PLEKHH2: variants seen among roughly 807,000 people sequenced by gnomAD.
PLEKHH2 encodes pleckstrin homology, MyTH4 and FERM domain containing H2.
In PLEKHH2, 129 loss-of-function variants were observed where a neutral mutation model predicts 187.9. That is an observed-to-expected ratio of 0.69 (90% CI 0.59 to 0.79). The LOEUF (loss-of-function observed/expected upper bound fraction) is 0.79, where lower values mean the gene tolerates loss of function less well. PLEKHH2 is among the 30% of genes least tolerant of loss of function. The probability of loss-of-function intolerance (pLI) is 0.00; values close to 1 mark genes in which losing one functional copy is unlikely to be tolerated. For missense variants in PLEKHH2, 2,076 were observed against 1,751.2 expected, an observed-to-expected ratio of 1.19 and a Z score of -3.31; for synonymous variants, 686 against 605.6, an observed-to-expected ratio of 1.13 and a Z score of -1.95.
intron 8 of PLEKHH2, 118 bp downstream of exon 8, chr2:43,700,726 C>T (rs936524708): frequency 7.8e-7 from 1 of 1,282,164 alleles, no homozygotes; most frequent in African/African-American, 1.5e-5. Context: ...GATCTTGGCT[C>T]ACTGCAACCT....
rs1458582348 is a variant in PLEKHH2, at chr2:43,676,285, A to G, written c.124-2578A>G. 3.1e-6 allele frequency: 5 copies of G among 1,612,684 alleles called. No homozygotes were observed. The East Asian group carries it at 1.1e-4, about 36-fold the overall frequency. On this transcript the variant is annotated intron_variant, in intron 2 of 29. Coordinates refer to ENST00000282406, the MANE Select transcript of PLEKHH2 (RefSeq NM_172069.4). Reference sequence around the variant, plus strand: ...AACCCAGGAAATGCTCCCAAGCAACATACCCTTAAAAAATGATGTCCCACT... The same window carrying G: ...AACCCAGGAAATGCTCCCAAGCAACGTACCCTTAAAAAATGATGTCCCACT...
At chr2:43,685,667 T>G (rs185032942) in intron 3 of PLEKHH2, among the ~76,000 whole-genome samples, 1 of 151,700 alleles carries the variant, frequency 6.6e-6, no homozygotes, top group East Asian at 1.9e-4. Flanking sequence ...GTCTCGAACT[T>G]GTCAGCTCAA....
intron 2 of PLEKHH2, among the ~76,000 whole-genome samples, chr2:43,657,728 C>A (rs1477012109): frequency 1.3e-5 from 2 of 152,120 alleles, no homozygotes; most frequent in African/African-American, 4.8e-5. Flanking sequence ...TGTAGTGCAC[C>A]ATGCAGGTCT....
intron 2 of PLEKHH2, among the ~76,000 whole-genome samples, chr2:43,667,399 T>G (rs1021322345): frequency 1.3e-5 from 2 of 152,170 alleles, no homozygotes; most frequent in African/African-American, 4.8e-5. Context: ...AAAAGTTAAA[T>G]ATAGAGTTAT....
chr2:43,652,269 G>A (rs1666514322), intron 2 of PLEKHH2, among the ~76,000 whole-genome samples: 1 of 152,206 alleles, frequency 6.6e-6, no homozygotes, highest in Non-Finnish European at 1.5e-5. Flanking sequence ...AAGGGCCACA[G>A]ATTTTACATT....
In PLEKHH2 at chr2:43,743,995, A is replaced by C; in HGVS notation, c.3555+6A>C. On this transcript the variant is annotated splice_donor_region_variant and intron_variant, in intron 23 of 29. Coordinates refer to ENST00000282406, the MANE Select transcript of PLEKHH2 (RefSeq NM_172069.4). ...GTCTTCAAGGAAACATCAAGGTGAA[A>C]CCAAGTCCTTTTCAGGAGCCAAGCC... is the stretch of plus-strand genomic sequence containing the variant. The C allele has an allele frequency of 6.2e-7, 1 of 1,610,188 alleles. No homozygotes were observed. The highest frequency in any genetic ancestry group is 8.5e-7 in the Non-Finnish European group (1 of 1,177,212).
chr2:43,766,879 T>C lies in PLEKHH2; in HGVS notation c.*1281T>C, dbSNP rs897782784. ...TCCCAAAGTGCTGGGATTGCAGGCATGAGCCACCGTGCCCAGCCTCAAAAA... is the reference window on the plus strand; with the variant it reads ...TCCCAAAGTGCTGGGATTGCAGGCACGAGCCACCGTGCCCAGCCTCAAAAA... On this transcript the variant is annotated 3_prime_UTR_variant, in exon 30 of 30. Transcript: ENST00000282406. The C allele has an allele frequency of 1.3e-5, 2 of 152,422 alleles. No individual in the cohort carries two copies. Among genetic ancestry groups the C allele is most frequent in the African/African-American group, 4.8e-5 (2 of 41,442 alleles). The allele number at this position is 152,422 out of a possible 1,614,324, so 9.4% of individuals were successfully genotyped here. A position where few individuals can be genotyped will look rare whatever the true frequency, so the allele number is the denominator to read the frequency against.
rs1463155066 is a variant in PLEKHH2 at position 43,707,383 on chromosome 2, T to C, written c.1822-18T>C. On this transcript the variant is annotated intron_variant, in intron 10 of 29. Transcript: ENST00000282406. ...ACATTAGGGATGGATACAGGGAGGT[T>C]GTTCCACTTTTCTTTAGAAGGCGAC... The C allele has an allele frequency of 6.2e-7, 1 of 1,613,768 alleles. No individual in the cohort carries two copies.
intron 18 of PLEKHH2, among the ~76,000 whole-genome samples, chr2:43,730,141 T>G (rs1276079468): frequency 1.3e-5 from 2 of 152,214 alleles, no homozygotes; most frequent in Admixed American, 1.3e-4. Flanking sequence ...TTTTGTCACT[T>G]AATTCTTTTA....
chr2:43,675,783 AGTCACGTATTCGAG>A, intron 2 of PLEKHH2: 1 of 1,613,702 alleles, frequency 6.2e-7, no homozygotes, highest in East Asian at 2.2e-5. Flanking sequence ...CTCCTTCCAC[AGTCACGTATTCGAG>A]GTCTCCAAAT....
At chr2:43,681,476 A>G (rs1430582379) in intron 3 of PLEKHH2, 4 of 1,545,686 alleles carry the variant, frequency 2.6e-6, no homozygotes, top group Admixed American at 3.9e-5. Flanking sequence ...CTTTTCCATC[A>G]TCTTCTCTTT....
chr2:43,760,511 C>T (rs1288858905), intron 27 of PLEKHH2, among the ~76,000 whole-genome samples: 2 of 151,968 alleles, frequency 1.3e-5, no homozygotes, highest in Admixed American at 6.6e-5. Flanking sequence ...TACAGGCGCA[C>T]ACCACCACGC....
At chr2:43,651,187 G>C (rs1666452596) in intron 2 of PLEKHH2, among the ~76,000 whole-genome samples, 1 of 151,498 alleles carries the variant, frequency 6.6e-6, no homozygotes. Context: ...ATTTTGTTCA[G>C]CAAACATTGA....
Position 43,699,837 on chromosome 2 carries a change from G to C in PLEKHH2, c.879G>C (p.Gly293=). 1 of 1,612,056 alleles carries C rather than the reference G, an allele frequency of 6.2e-7. No homozygotes were observed. The highest frequency in any genetic ancestry group is 8.5e-7 in the Non-Finnish European group (1 of 1,178,158). Residue 293 remains glycine, a synonymous_variant, in exon 8 of 30, where the codon GGG becomes GGC. Transcript: ENST00000282406. ...ACTGGAGCTCTGATGAGGAAGACGG[G>C]AGCAAAGGAAGATCCAAGTCCAGAT... The part of the protein sequence containing the change: ...VSDWSSDEED[G]SKGRSKSRCT...
chr2:43,651,172 T>C (rs184665733), intron 2 of PLEKHH2, among the ~76,000 whole-genome samples: 2 of 149,478 alleles, frequency 1.3e-5, no homozygotes, highest in South Asian at 2.1e-4. Context: ...TTCATTCATT[T>C]ATTCATTTTG....
chr2:43,726,013 G>A (rs1670723928), intron 16 of PLEKHH2, among the ~76,000 whole-genome samples: 1 of 151,444 alleles, frequency 6.6e-6, no homozygotes. Flanking sequence ...AGCTATTTGG[G>A]AGGCTGAGAT....
chr2:43,695,048 G>A (rs925240821), intron 5 of PLEKHH2, 95 bp from the exon 6 acceptor site: 2 of 622,088 alleles, frequency 3.2e-6, no homozygotes, highest in Non-Finnish European at 4.9e-6. Flanking sequence ...CACATGTAGA[G>A]AAACTAAATA....
chr2:43,707,266 T>G, intron 10 of PLEKHH2, 135 bp from the exon 11 acceptor site: 1 of 792,122 alleles, frequency 1.3e-6, no homozygotes, highest in Admixed American at 2.5e-5. Context: ...CTAAAAAGAG[T>G]GATAACCTTA....
intron 2 of PLEKHH2, among the ~76,000 whole-genome samples, chr2:43,674,075 A>G (rs1433265914): frequency 1.3e-5 from 2 of 152,216 alleles, no homozygotes; most frequent in African/African-American, 2.4e-5. Flanking sequence ...TTGTCATTTC[A>G]TCAATAATTT....
Sources: gnomAD v4.1 joint callset for allele counts (sites outside exome capture counted in the v4.1 genomes callset) on GRCh38, gnomAD v4.1.1 for gene constraint, MANE v1.5 for transcripts, NCBI Gene and HGNC (gene_info 2026-07-23, HGNC 2026-07-21) for gene names.